Variants in MLANA observed in about 807,000 individuals in gnomAD.
MLANA encodes melan-A, also known as melanoma antigen recognized by T-cells 1.
A neutral mutation model predicts 15.7 loss-of-function variants in MLANA; 21 were observed. The ratio of observed to expected loss-of-function variants is 1.33; its 90% CI spans 0.95 to 1.92. The LOEUF (loss-of-function observed/expected upper bound fraction) is 1.92, where lower values mean the gene tolerates loss of function less well. MLANA is among the 40% of genes most tolerant of loss of function. MLANA has a pLI of 0.00. For synonymous variants in MLANA, 56 were observed against 51.5 expected (o/e 1.09, Z -0.37); for missense variants, 164 against 143.8 (o/e 1.14, Z -0.72).
At chr9:5,892,580 T>G (rs369826344) in intron 2 of MLANA, 29 bp downstream of exon 2, 2 of 1,601,732 alleles carry the variant, frequency 1.2e-6, no homozygotes, top group Non-Finnish European at 1.7e-6. Flanking sequence ...CCAGCAGGGC[T>G]TCCAGTTTGC....
chr9:5,897,613 G>GT lies in MLANA; in HGVS notation c.136dup (p.Trp46LeufsTer4). 2 of 1,614,140 alleles carry GT rather than the reference G, an allele frequency of 1.2e-6. No homozygotes were observed. The highest frequency in any genetic ancestry group is 1.7e-6 in the Non-Finnish European group (2 of 1,179,964). ...CTGGGAGTCTTACTGCTCATCGGCT[G>GT]TTGGTATTGTAGAAGACGAAATGGA... On this transcript the variant is annotated frameshift_variant, in exon 3 of 5. Coordinates refer to ENST00000381477, the MANE Select transcript of MLANA (RefSeq NM_005511.2). LOFTEE classifies it high-confidence loss of function.
chr9:5,908,491 T>G, intron 4 of MLANA, 149 bp from the exon 5 acceptor site: 1 of 706,522 alleles, frequency 1.4e-6, no homozygotes, highest in Non-Finnish European at 2.4e-6. Context: ...AATTTAACAA[T>G]TACTTCACTG....
At chr9:5,905,853 AGACTATTCTCCCGGCCAT>A (rs1832769034) in intron 3 of MLANA, among the ~76,000 whole-genome samples, 1 of 152,240 alleles carries the variant, frequency 6.6e-6, no homozygotes, top group South Asian at 2.1e-4. Context: ...GGACCTCTTG[AGACTATTCTCCCGGCCAT>A]GGTCATTCAT....
At chr9:5,891,215 T>G (rs537370595) in intron 1 of MLANA, 4 of 152,360 alleles carry the variant, frequency 2.6e-5, no homozygotes, top group African/African-American at 9.6e-5. Flanking sequence ...TGTGTTCTCC[T>G]GTCACTTAAA....
intron 2 of MLANA, among the ~76,000 whole-genome samples, chr9:5,895,510 TGAA>T (rs1831954930): frequency 1.3e-5 from 2 of 152,282 alleles, no homozygotes; most frequent in African/African-American, 4.8e-5. Flanking sequence ...GCAGGTGGAA[TGAA>T]GAAGAATGAT....
intron 3 of MLANA, among the ~76,000 whole-genome samples, chr9:5,899,691 C>T (rs1007123190): frequency 6.6e-6 from 1 of 152,244 alleles, no homozygotes; most frequent in Admixed American, 6.5e-5. Flanking sequence ...GGGGTTATGA[C>T]ATTGCCTTGT....
chr9:5,896,583 G>C (rs1482017022), intron 2 of MLANA, among the ~76,000 whole-genome samples: 1 of 152,232 alleles, frequency 6.6e-6, no homozygotes. Context: ...TCTCTTGTAA[G>C]TCACTCAGCT....
At chr9:5,896,796 A>G (rs1003352979) in intron 2 of MLANA, among the ~76,000 whole-genome samples, 3 of 152,196 alleles carry the variant, frequency 2.0e-5, no homozygotes, top group African/African-American at 7.2e-5. Flanking sequence ...ACAGGGCCCA[A>G]GAGGCTGGTG....
chr9:5,906,402 T>TATAA (rs1438172044), intron 3 of MLANA, among the ~76,000 whole-genome samples: 1 of 152,134 alleles, frequency 6.6e-6, no homozygotes, highest in Non-Finnish European at 1.5e-5. Flanking sequence ...CCTTCTTGGA[T>TATAA]GTTCTTCCTT....
Position 5,909,826 on chromosome 9 carries a change from T to C in MLANA, c.*1118T>C, listed in dbSNP as rs1479579315. ...TCATAAAGGATCAGAGATTCTGGAA[T>C]GGTGTCATTATTTGCATAGCAACAT... On this transcript the variant is annotated 3_prime_UTR_variant, in exon 5 of 5. Transcript: ENST00000381477. 2 of 152,226 alleles carry C rather than the reference T, an allele frequency of 1.3e-5. No homozygotes were observed. The highest frequency in any genetic ancestry group is 2.9e-5 in the Non-Finnish European group (2 of 68,040). 9.4% of individuals were successfully genotyped at this position (152,226 alleles called of 1,614,324 possible).
At chr9:5,897,681 C>G in intron 3 of MLANA, 28 bp downstream of exon 3, 1 of 1,575,430 alleles carries the variant, frequency 6.3e-7, no homozygotes, top group Non-Finnish European at 8.7e-7. Context: ...TGCTGAAATC[C>G]CTCCAAGTCC....
At chr9:5,905,784 G>A (rs1468626497) in intron 3 of MLANA, among the ~76,000 whole-genome samples, 1 of 152,130 alleles carries the variant, frequency 6.6e-6, no homozygotes. Flanking sequence ...TACAATTCCT[G>A]TCTTCCTGAA....
intron 3 of MLANA, among the ~76,000 whole-genome samples, chr9:5,900,175 A>G (rs1000969942): frequency 2.2e-4 from 34 of 152,160 alleles, no homozygotes; most frequent in Non-Finnish European, 4.7e-4. Flanking sequence ...CTCATCTTAA[A>G]TTCATTTAAT....
Position 5,908,668 on chromosome 9 carries a change from A to C in MLANA, c.317A>C (p.Lys106Thr), listed in dbSNP as rs1402764876. ...VVPNAPPAYE[K>T]LSAEQSPPPY... ...CCCAATGCTCCACCTGCTTATGAGA[A>C]ACTCTCTGCAGAACAGTCACCACCA... Residue 106 changes from lysine (K) to threonine (T), a missense_variant, in exon 5 of 5, where the codon AAA becomes ACA. Coordinates refer to ENST00000381477, the MANE Select transcript of MLANA (RefSeq NM_005511.2). 6.2e-7 allele frequency: 1 copy of C among 1,614,090 alleles called. No homozygotes were observed. Among genetic ancestry groups the C allele is most frequent in the Admixed American group, 1.7e-5 (1 of 60,020 alleles).
chr9:5,906,975 C>A lies in MLANA; in HGVS notation c.265C>A (p.Gln89Lys), dbSNP rs1832856914. ...TCATCGGGACAGCAAAGTGTCTCTT[C>A]AAGAGAAAAACTGTGAACCTGTGGT... ...FDHRDSKVSL[Q>K]EKNCEPVVPN... The change falls in exon 4 of 5, where the codon CAA (glutamine) becomes AAA (lysine). Residue 89 changes from glutamine to lysine, a missense_variant. Gln to Lys is a moderately conservative substitution (Grantham distance 53, BLOSUM62 1). Coordinates refer to ENST00000381477, the MANE Select transcript of MLANA (RefSeq NM_005511.2). 10 of 1,598,590 alleles carry A rather than the reference C, an allele frequency of 6.3e-6. No homozygotes were observed. The highest frequency in any genetic ancestry group is 8.5e-6 in the Non-Finnish European group (10 of 1,174,736).
At chr9:5,906,516 T>G (rs1398646790) in intron 3 of MLANA, among the ~76,000 whole-genome samples, 2 of 152,260 alleles carry the variant, frequency 1.3e-5, no homozygotes, top group African/African-American at 4.8e-5. Flanking sequence ...CCTCAATTTT[T>G]GCTTGACAAA....
Position 5,906,885 on chromosome 9 carries a change from G to T in MLANA, c.175G>T (p.Asp59Tyr). 1 of 1,566,820 alleles carries T rather than the reference G, an allele frequency of 6.4e-7. No individual in the cohort carries two copies. The highest frequency in any genetic ancestry group is 8.6e-7 in the Non-Finnish European group (1 of 1,159,956). ...RRRNGYRALMDKSLHVGTQCA... is the reference protein window; with the variant it reads ...RRRNGYRALMYKSLHVGTQCA... ...TCACCTTTATCAATTTACATTTCAGGATAAAAGTCTTCATGTTGGCACTCA... is the reference window on the plus strand; with the variant it reads ...TCACCTTTATCAATTTACATTTCAGTATAAAAGTCTTCATGTTGGCACTCA... Residue 59 changes from aspartate (D) to tyrosine (Y), a missense_variant and splice_region_variant, in exon 4 of 5, where the codon GAT becomes TAT. By Grantham distance (160) the Asp-to-Tyr change is radical. Coordinates refer to ENST00000381477, the MANE Select transcript of MLANA (RefSeq NM_005511.2).
intron 2 of MLANA, among the ~76,000 whole-genome samples, chr9:5,896,444 T>C (rs927001040): frequency 2.0e-5 from 3 of 152,160 alleles, no homozygotes; most frequent in African/African-American, 7.2e-5. Context: ...TCTATCCTGT[T>C]TGGAGACGGA....
rs1457365783 is a variant in MLANA, at chr9:5,894,393, C to A, written c.77+1842C>A. On this transcript the variant is annotated intron_variant, in intron 2 of 4. Coordinates refer to ENST00000381477, the MANE Select transcript of MLANA (RefSeq NM_005511.2). The surrounding 1 kb of genome is among the most constrained non-coding windows in gnomAD (Gnocchi z 4.0). ...GAGGCAAAGAAGGCATCGGGGCAAC[C>A]AAGGCTGTACCCACAGAATGCTGCT... Among the ~76,000 whole-genome samples, 1 of 152,134 alleles carries A rather than the reference C, an allele frequency of 6.6e-6. No individual in the cohort carries two copies. The highest frequency in any genetic ancestry group is 1.5e-5 in the Non-Finnish European group (1 of 68,030).
Sources: gnomAD v4.1 joint callset for allele counts (sites outside exome capture counted in the v4.1 genomes callset) on GRCh38, gnomAD v4.1.1 for gene constraint, Gnocchi (gnomAD v3.1) non-coding constraint, MANE v1.5 for transcripts, NCBI Gene and HGNC (gene_info 2026-07-23, HGNC 2026-07-21) for gene names.